Variants in TMCO5A observed in about 807,000 individuals in gnomAD.
TMCO5A encodes the protein transmembrane and coiled-coil domains 5A, also known as transmembrane and coiled-coil domain-containing protein 5A.
In TMCO5A, 34 loss-of-function variants were observed where a neutral mutation model predicts 42.3. The ratio of observed to expected loss-of-function variants is 0.80; its 90% CI spans 0.61 to 1.07. TMCO5A has a LOEUF of 1.07. Among genes scored for constraint, TMCO5A ranks in the 50% least tolerant of loss-of-function variants. The pLI is 0.00. For missense variants in TMCO5A, 357 were observed against 327.9 expected (o/e 1.09, Z -0.69); for synonymous variants, 131 against 115.6 (o/e 1.13, Z -0.86).
the TMCO5A span, among the ~76,000 whole-genome samples, chr15:37,995,878 A>T: frequency 6.6e-6 from 1 of 151,962 alleles, no homozygotes. Flanking sequence ...CAAAACCTGT[A>T]TTCACTTTAT....
chr15:37,947,770 G>T (rs747643615), intron 11 of TMCO5A, 74 bp downstream of exon 11: 2 of 1,004,332 alleles, frequency 2.0e-6, no homozygotes, highest in South Asian at 1.4e-5. Flanking sequence ...AGAGGGAAAA[G>T]TCTAGACAAG....
At chr15:37,992,860 G>A in the TMCO5A span, among the ~76,000 whole-genome samples, 1 of 152,136 alleles carries the variant, frequency 6.6e-6, no homozygotes, top group African/African-American at 2.4e-5. Context: ...AGTAGAGGAT[G>A]GGAAGAGGGA....
chr15:37,939,967 A>G (rs1180274003), intron 6 of TMCO5A, among the ~76,000 whole-genome samples: 1 of 152,004 alleles, frequency 6.6e-6, no homozygotes, highest in Non-Finnish European at 1.5e-5. Context: ...GGGAAGGAAG[A>G]ATGGTCATGT....
downstream of TMCO5A, among the ~76,000 whole-genome samples, chr15:37,968,680 T>C (rs551479065): frequency 2.6e-5 from 4 of 151,716 alleles, no homozygotes; most frequent in East Asian, 7.8e-4. Context: ...CCGCCCAGGT[T>C]CAAATTATTC....
the TMCO5A span, chr15:38,020,535 A>T: frequency 2.0e-5 from 3 of 152,204 alleles, no homozygotes; most frequent in African/African-American, 7.2e-5. Flanking sequence ...GATAAGAGGT[A>T]AGGTGGGAAA....
chr15:38,015,887 G>A, the TMCO5A span, among the ~76,000 whole-genome samples: 1 of 152,208 alleles, frequency 6.6e-6, no homozygotes, highest in African/African-American at 2.4e-5. Context: ...AAGCATCAGT[G>A]GCTGCCCAGG....
the TMCO5A span, chr15:37,993,532 T>C: frequency 6.6e-6 from 1 of 152,158 alleles, no homozygotes. Context: ...GTGGTTACTT[T>C]TGAATGTCTT....
chr15:37,954,011 T>G (rs997193788), downstream of TMCO5A, among the ~76,000 whole-genome samples: 4 of 151,210 alleles, frequency 2.6e-5, no homozygotes, highest in African/African-American at 9.7e-5. Context: ...AAATACACAG[T>G]CAGAGGACAT....
chr15:37,939,721 T>A (rs1337785444), intron 6 of TMCO5A, among the ~76,000 whole-genome samples: 1 of 152,006 alleles, frequency 6.6e-6, no homozygotes, highest in Non-Finnish European at 1.5e-5. Context: ...TCTGTGAATG[T>A]ACAGAATCTC....
chr15:37,971,454 C>T (rs952061435), downstream of TMCO5A, among the ~76,000 whole-genome samples: 2 of 152,216 alleles, frequency 1.3e-5, no homozygotes, highest in African/African-American at 4.8e-5. Context: ...CCATGAAGAC[C>T]TCTGACATGC....
the TMCO5A span, among the ~76,000 whole-genome samples, chr15:38,028,386 G>A: frequency 6.6e-6 from 1 of 152,194 alleles, no homozygotes; most frequent in Non-Finnish European, 1.5e-5. Context: ...GACCTCAAGA[G>A]TGCAGATGTA....
intron 11 of TMCO5A, among the ~76,000 whole-genome samples, chr15:37,957,231 T>C (rs1325342664): frequency 6.6e-6 from 1 of 152,110 alleles, no homozygotes; most frequent in East Asian, 1.9e-4. Flanking sequence ...GTATTGGAAG[T>C]TCTGGCCAGG....
At chr15:38,039,837 G>A in the TMCO5A span, among the ~76,000 whole-genome samples, 2 of 152,272 alleles carry the variant, frequency 1.3e-5, no homozygotes, top group Non-Finnish European at 2.9e-5. Flanking sequence ...CTCAGTCTTC[G>A]TGGGTCAGAA....
At chr15:37,957,999 CT>C (rs913634298) in intron 11 of TMCO5A, among the ~76,000 whole-genome samples, 32 of 152,202 alleles carry the variant, frequency 2.1e-4, no homozygotes, top group African/African-American at 7.5e-4. Flanking sequence ...AAAGGATTCC[CT>C]ATTTAATAAA....
At chr15:37,960,102 C>T (rs1160170635) in intron 11 of TMCO5A, among the ~76,000 whole-genome samples, 1 of 151,880 alleles carries the variant, frequency 6.6e-6, no homozygotes, top group Non-Finnish European at 1.5e-5. Flanking sequence ...CTGGTGCACC[C>T]ATCACCCCAG....
At chr15:37,991,633 A>G in the TMCO5A span, among the ~76,000 whole-genome samples, 5 of 152,060 alleles carry the variant, frequency 3.3e-5, no homozygotes, top group South Asian at 8.3e-4. Flanking sequence ...TTTTCTTCCA[A>G]TAGTCTTATC....
chr15:37,974,654 G>C, the TMCO5A span, among the ~76,000 whole-genome samples: 4 of 151,572 alleles, frequency 2.6e-5, no homozygotes, highest in Non-Finnish European at 5.9e-5. Flanking sequence ...TTCTTTATTT[G>C]TCTAGCTAGT....
chr15:37,982,614 A>G, the TMCO5A span, among the ~76,000 whole-genome samples: 1 of 85,866 alleles, frequency 1.2e-5, no homozygotes, highest in Non-Finnish European at 2.1e-5. Context: ...ATATATAATT[A>G]TATATTATAT....
At position 37,940,966 on chromosome 15, in the gene TMCO5A, A is replaced by G. The variant is rs530427451; in HGVS notation, c.388-183A>G. ...AGATGAAGACTAAAAGGTAAGGAAT[A>G]TAAAAGAGCAAGTTTACCAAGCAGC... On this transcript the variant is annotated intron_variant, in intron 6 of 11. Coordinates refer to ENST00000319669, the MANE Select transcript of TMCO5A (RefSeq NM_152453.4). Among the ~76,000 whole-genome samples the G allele has an allele frequency of 3.9e-5, 6 of 152,240 alleles. No homozygotes were observed. In the East Asian group the frequency reaches 5.8e-4, roughly 15 times the overall value.
Sources: allele counts gnomAD v4.1 joint callset (sites outside exome capture counted in the v4.1 genomes callset), GRCh38; gene constraint gnomAD v4.1.1; transcripts MANE v1.5; gene names NCBI Gene and HGNC (gene_info 2026-07-23, HGNC 2026-07-21).